Variants in PDE10A observed in about 807,000 individuals in gnomAD.
PDE10A encodes phosphodiesterase 10A.
Under a neutral mutation model 97.7 loss-of-function variants are expected in PDE10A, and 39 were observed. That is an observed-to-expected ratio of 0.40 (90% CI 0.31 to 0.52). The LOEUF is 0.52. Among genes scored for constraint, PDE10A ranks in the 20% least tolerant of loss-of-function variants. The probability of loss-of-function intolerance (pLI) is 0.56; values close to 1 mark genes in which losing one functional copy is unlikely to be tolerated. For missense variants in PDE10A, 731 were observed against 1,047.8 expected (o/e 0.70, Z 4.17); for synonymous variants, 371 against 376.8 (o/e 0.98, Z 0.18).
intron 1 of PDE10A, among the ~76,000 whole-genome samples, chr6:165,727,942 T>C (rs1792339445): frequency 6.6e-6 from 1 of 152,164 alleles, no homozygotes; most frequent in Non-Finnish European, 1.5e-5. Context: ...TTTAAATAGT[T>C]GGTTGTGTTG....
chr6:165,382,891 G>A (rs374996548), intron 17 of PDE10A, among the ~76,000 whole-genome samples: 5 of 152,146 alleles, frequency 3.3e-5, no homozygotes, highest in African/African-American at 7.2e-5. Context: ...AGAAAAGGAC[G>A]GATTTAAACT....
chr6:165,899,847 A>G (rs1782055561), intron 1 of PDE10A, among the ~76,000 whole-genome samples: 1 of 152,242 alleles, frequency 6.6e-6, no homozygotes, highest in Non-Finnish European at 1.5e-5. Context: ...TTCTTGGTGT[A>G]AAAATAGCAT....
At chr6:165,556,191 G>A (rs1212268969) in intron 1 of PDE10A, among the ~76,000 whole-genome samples, 2 of 152,060 alleles carry the variant, frequency 1.3e-5, no homozygotes, top group African/African-American at 4.8e-5. Context: ...GGGCTGGGGG[G>A]GTCAGTACCT....
intron 1 of PDE10A, among the ~76,000 whole-genome samples, chr6:165,825,476 C>T (rs1042082597): frequency 8.5e-5 from 13 of 152,302 alleles, no homozygotes; most frequent in African/African-American, 1.7e-4. Flanking sequence ...AGCCCTGCTG[C>T]GGTTCCTTGA....
intron 17 of PDE10A, among the ~76,000 whole-genome samples, chr6:165,381,471 A>C (rs139715135): frequency 4.7e-4 from 71 of 152,034 alleles, no homozygotes; most frequent in African/African-American, 1.7e-3. Flanking sequence ...ACAAAAAATA[A>C]ATATCTCCCT....
chr6:165,578,040 G>C (rs1050607209), intron 1 of PDE10A, among the ~76,000 whole-genome samples: 2 of 152,172 alleles, frequency 1.3e-5, no homozygotes, highest in Non-Finnish European at 2.9e-5. Context: ...GTGCCCACTG[G>C]GTGAGCCACG....
intron 2 of PDE10A, among the ~76,000 whole-genome samples, chr6:165,500,668 C>T (rs982316312): frequency 6.6e-6 from 1 of 152,088 alleles, no homozygotes; most frequent in Non-Finnish European, 1.5e-5. Context: ...AGCCAACACC[C>T]ATAAAGGGTC....
intron 1 of PDE10A, among the ~76,000 whole-genome samples, chr6:165,601,224 G>A (rs762678736): frequency 2.0e-5 from 3 of 152,100 alleles, no homozygotes; most frequent in Non-Finnish European, 2.9e-5. Flanking sequence ...CTCCTGCCAT[G>A]ATTCTGAGGC....
At chr6:165,673,389 G>C (rs1251677030) in intron 1 of PDE10A, among the ~76,000 whole-genome samples, 1 of 152,212 alleles carries the variant, frequency 6.6e-6, no homozygotes, top group Admixed American at 6.5e-5. Context: ...AGCCATGCAA[G>C]ATTTTAATTG....
intron 1 of PDE10A, among the ~76,000 whole-genome samples, chr6:165,804,192 G>C (rs554436985): frequency 6.6e-6 from 1 of 152,292 alleles, no homozygotes; most frequent in African/African-American, 2.4e-5. Context: ...GGAAATAGGT[G>C]TATTTGGGGG....
At chr6:165,356,126 C>A (rs1783009482) in intron 18 of PDE10A, among the ~76,000 whole-genome samples, 1 of 152,054 alleles carries the variant, frequency 6.6e-6, no homozygotes, top group African/African-American at 2.4e-5. Flanking sequence ...ATGAGAATGG[C>A]AAAGGGAAAA....
intron 2 of PDE10A, among the ~76,000 whole-genome samples, chr6:165,533,596 T>C (rs1326393408): frequency 6.6e-6 from 1 of 152,188 alleles, no homozygotes; most frequent in Non-Finnish European, 1.5e-5. Context: ...ACTTGCTCAT[T>C]GGCATACTAA....
rs891734337 is a variant in PDE10A, at chr6:165,671,711, C to T, written c.-614-128143G>A. Among the ~76,000 whole-genome samples the T allele has an allele frequency of 2.6e-5, 4 of 151,464 alleles. No individual in the cohort carries two copies. The highest frequency in any genetic ancestry group is 9.8e-5 in the African/African-American group (4 of 40,866). The stretch of plus-strand genomic sequence containing the variant: ...GCTAGATATCACACACACACACACA[C>T]ATATATATAGTGTGCTTTATATCAT... On this transcript the variant is annotated intron_variant, in intron 1 of 19. Transcript: ENST00000366882. This position sits in a 1 kb window ranked among gnomAD's most constrained non-coding sequence, Gnocchi z 4.6.
chr6:165,429,631 T>A (rs181304978), intron 9 of PDE10A, among the ~76,000 whole-genome samples: 108 of 152,152 alleles, frequency 7.1e-4, no homozygotes, highest in Admixed American at 1.2e-3. Flanking sequence ...AGTGAACTTG[T>A]AGGAGGACAT....
chr6:165,831,636 C>T (rs1187824210), intron 1 of PDE10A, among the ~76,000 whole-genome samples: 1 of 151,682 alleles, frequency 6.6e-6, no homozygotes, highest in Non-Finnish European at 1.5e-5. Context: ...AGGCGCCCGC[C>T]ACCACGCCCG....
At chr6:165,888,494 C>T (rs951859967) in intron 1 of PDE10A, among the ~76,000 whole-genome samples, 1 of 152,070 alleles carries the variant, frequency 6.6e-6, no homozygotes, top group African/African-American at 2.4e-5. Context: ...CCATGTTGGC[C>T]AGGATGGTGT....
At chr6:165,697,051 C>T (rs1027663163) in intron 1 of PDE10A, among the ~76,000 whole-genome samples, 1 of 152,014 alleles carries the variant, frequency 6.6e-6, no homozygotes, top group Non-Finnish European at 1.5e-5. Context: ...AAGAGAGGTG[C>T]CATTAAACAT....
chr6:165,958,726 A>AGAAG, intron 1 of PDE10A, among the ~76,000 whole-genome samples: 1 of 12,364 alleles, frequency 8.1e-5, no homozygotes, highest in Non-Finnish European at 1.4e-4. Context: ...GAAGAAAGAA[A>AGAAG]GAAAGAAAGA....
intron 1 of PDE10A, among the ~76,000 whole-genome samples, chr6:165,702,127 G>A (rs1791595217): frequency 6.6e-6 from 1 of 152,216 alleles, no homozygotes; most frequent in Non-Finnish European, 1.5e-5. Flanking sequence ...CCGAAGGGTG[G>A]TGCCACCTCA....
Sources: allele counts gnomAD v4.1 joint callset (sites outside exome capture counted in the v4.1 genomes callset), GRCh38; gene constraint gnomAD v4.1.1; non-coding constraint Gnocchi (gnomAD v3.1); transcripts MANE v1.5; gene names NCBI Gene and HGNC (gene_info 2026-07-23, HGNC 2026-07-21).